The following LRMDA variants were observed in gnomAD, a reference collection of about 807,000 sequenced individuals.
The protein encoded by LRMDA is leucine-rich melanocyte differentiation-associated protein.
LRMDA carries 18 observed loss-of-function variants against 29.8 expected under a neutral mutation model. The observed-to-expected ratio is 0.60, with a 90% CI of 0.42 to 0.90. The LOEUF is 0.90. LRMDA is among the 40% of genes least tolerant of loss of function. The pLI is 0.00. For missense variants in LRMDA, 273 were observed against 273.9 expected (o/e 1.00, Z 0.02); for synonymous variants, 125 against 109.4 (o/e 1.14, Z -0.89).
At chr10:75,770,029 C>T (rs1843219244) in intron 2 of LRMDA, among the ~76,000 whole-genome samples, 1 of 151,950 alleles carries the variant, frequency 6.6e-6, no homozygotes, top group Non-Finnish European at 1.5e-5. Context: ...AGCTGGTAAT[C>T]CCAGAACTTT....
At chr10:76,171,422 A>C (rs1342425032) in intron 5 of LRMDA, among the ~76,000 whole-genome samples, 1 of 152,184 alleles carries the variant, frequency 6.6e-6, no homozygotes, top group African/African-American at 2.4e-5. Flanking sequence ...TACAGGCGTG[A>C]GCCACCACAC....
chr10:76,506,030 A>C (rs1337324039), intron 6 of LRMDA, among the ~76,000 whole-genome samples: 1 of 152,104 alleles, frequency 6.6e-6, no homozygotes. Context: ...TGGGGCCAGG[A>C]ACTGTCCCTG....
chr10:75,915,487 G>A (rs576029559), intron 2 of LRMDA, among the ~76,000 whole-genome samples: 2 of 152,252 alleles, frequency 1.3e-5, no homozygotes, highest in African/African-American at 4.8e-5. Flanking sequence ...AAGGCCTCCT[G>A]CCTCAGCCTC....
intron 2 of LRMDA, among the ~76,000 whole-genome samples, chr10:75,569,281 C>G (rs929099012): frequency 1.3e-5 from 2 of 152,098 alleles, no homozygotes; most frequent in Non-Finnish European, 2.9e-5. Flanking sequence ...AAACCTATGG[C>G]TGGGTTTGGG....
intron 5 of LRMDA, among the ~76,000 whole-genome samples, chr10:76,171,419 G>A (rs780675512): frequency 2.6e-4 from 40 of 152,288 alleles, no homozygotes; most frequent in South Asian, 4.1e-4. Flanking sequence ...GATTACAGGC[G>A]TGAGCCACCA....
At chr10:76,014,688 C>T (rs970007166) in intron 2 of LRMDA, among the ~76,000 whole-genome samples, 2 of 152,192 alleles carry the variant, frequency 1.3e-5, no homozygotes, top group African/African-American at 4.8e-5. Context: ...CATTGAACCT[C>T]TTTGTTCAAC....
chr10:76,293,747 T>A (rs1315822376), intron 5 of LRMDA, among the ~76,000 whole-genome samples: 1 of 152,330 alleles, frequency 6.6e-6, no homozygotes, highest in East Asian at 1.9e-4. Flanking sequence ...ACCTTATCTC[T>A]TATATATAGG....
chr10:76,464,160 C>T (rs1842540919), intron 6 of LRMDA, among the ~76,000 whole-genome samples: 1 of 152,022 alleles, frequency 6.6e-6, no homozygotes, highest in Non-Finnish European at 1.5e-5. Context: ...CTCAGGTCAT[C>T]CGCCCGCCTC....
intron 5 of LRMDA, among the ~76,000 whole-genome samples, chr10:76,066,700 G>A (rs1848791267): frequency 1.3e-5 from 2 of 152,170 alleles, no homozygotes; most frequent in Admixed American, 6.5e-5. Context: ...ACCCTGTGAT[G>A]ACTCCCCATA....
In LRMDA at chr10:75,576,282, C is replaced by T. The variant is rs559937297; in HGVS notation, c.131+137788C>T. 4.6e-5 allele frequency among the ~76,000 whole-genome samples: 7 copies of T among 152,366 alleles called. No individual in the cohort carries two copies. The South Asian group carries it at 6.2e-4, about 14-fold the overall frequency. On this transcript the variant is annotated intron_variant, in intron 2 of 6. Transcript: ENST00000611255. ...TTCGAACTGGGCAAAGCCCACCACA[C>T]CTCAGCAAGGCCACTGCTGCCAGAC...
chr10:76,483,269 A>C (rs1418509462), intron 6 of LRMDA, among the ~76,000 whole-genome samples: 2 of 151,950 alleles, frequency 1.3e-5, no homozygotes, highest in Non-Finnish European at 2.9e-5. Flanking sequence ...CTATTTAAGA[A>C]ATATTAGCTA....
At chr10:75,713,163 C>T (rs990921654) in intron 2 of LRMDA, among the ~76,000 whole-genome samples, 4 of 152,130 alleles carry the variant, frequency 2.6e-5, no homozygotes, top group Non-Finnish European at 4.4e-5. Flanking sequence ...TAACATTTTA[C>T]TTTAAGGTAG....
intron 2 of LRMDA, among the ~76,000 whole-genome samples, chr10:75,947,319 C>T (rs774763949): frequency 1.8e-4 from 28 of 152,078 alleles, no homozygotes; most frequent in Admixed American, 6.5e-5. Flanking sequence ...CTCAGGTGAC[C>T]GGAACATGGT....
chr10:75,579,178 G>A (rs767670469), intron 2 of LRMDA, among the ~76,000 whole-genome samples: 5 of 152,112 alleles, frequency 3.3e-5, no homozygotes, highest in Non-Finnish European at 7.4e-5. Context: ...CCACTAGCTA[G>A]ACTAATAAAG....
intron 2 of LRMDA, among the ~76,000 whole-genome samples, chr10:76,010,765 CT>C (rs767121511): frequency 5.9e-5 from 9 of 152,244 alleles, no homozygotes; most frequent in Non-Finnish European, 1.3e-4. Flanking sequence ...CCTCTGTCAC[CT>C]CTGAATCCTG....
intron 6 of LRMDA, among the ~76,000 whole-genome samples, chr10:76,420,065 T>C (rs1842056881): frequency 6.6e-6 from 1 of 152,058 alleles, no homozygotes; most frequent in Admixed American, 6.6e-5. Context: ...AAAATTTTAC[T>C]ACCCTCATAA....
chr10:75,612,251 T>C (rs546165882), intron 2 of LRMDA, among the ~76,000 whole-genome samples: 57 of 152,300 alleles, frequency 3.7e-4, no homozygotes, highest in African/African-American at 1.3e-3. Context: ...AAACTGAAAA[T>C]GCAGCTGGTT....
chr10:76,395,529 C>T (rs749127), intron 6 of LRMDA, among the ~76,000 whole-genome samples: 32,434 of 152,212 alleles, frequency 0.21, 7,006 homozygotes, highest in African/African-American at 0.56. Context: ...TGACAGTAGT[C>T]ACTGATGAGC....
chr10:75,919,405 A>G (rs1484713353), intron 2 of LRMDA, among the ~76,000 whole-genome samples: 1 of 151,930 alleles, frequency 6.6e-6, no homozygotes, highest in African/African-American at 2.4e-5. Context: ...TTTATCTTAC[A>G]GGTTTTATTC....
Sources: gnomAD v4.1 joint callset for allele counts (sites outside exome capture counted in the v4.1 genomes callset) on GRCh38, gnomAD v4.1.1 for gene constraint, MANE v1.5 for transcripts, NCBI Gene and HGNC (gene_info 2026-07-23, HGNC 2026-07-21) for gene names.